MINDY1: variants seen among roughly 807,000 people sequenced by gnomAD.
MINDY1 encodes MINDY lysine 48 deubiquitinase 1.
In MINDY1, 50 loss-of-function variants were observed where a neutral mutation model predicts 53.6. The observed-to-expected ratio is 0.93, with a 90% confidence interval of 0.74 to 1.18. The LOEUF (loss-of-function observed/expected upper bound fraction) is 1.18. Ranked by LOEUF, MINDY1 falls within the 50% of genes most tolerant of loss-of-function variation. The probability of loss-of-function intolerance (pLI) is 0.00; values close to 1 mark genes in which losing one functional copy is unlikely to be tolerated. For synonymous variants in MINDY1, 231 were observed against 234.7 expected (o/e 0.98, Z 0.14); for missense variants, 484 against 578.6 (o/e 0.84, Z 1.68).
chr1:150,999,290 C>A lies in MINDY1; in HGVS notation c.981+79G>T. On this transcript the variant is annotated intron_variant, in intron 7 of 9. Transcript: ENST00000683666. The surrounding 1 kb of genome is among the most constrained non-coding windows in gnomAD (Gnocchi z 4.4). ...CACTTGCTACCACGGCTTAATCTAG[C>A]TGATCCCAGCTGGACCCACGAGAAA... is the stretch of plus-strand genomic sequence containing the variant. The A allele has an allele frequency of 1.3e-6, 2 of 1,579,444 alleles. No homozygotes were observed. Among genetic ancestry groups the A allele is most frequent in the Admixed American group, 1.7e-5 (1 of 57,244 alleles).
chr1:151,008,137 C>CA, upstream of MINDY1: 5 of 708,204 alleles, frequency 7.1e-6, no homozygotes, highest in Non-Finnish European at 8.8e-6. Context: ...TGCCAAGTGT[C>CA]ATTTAAAATG....
At position 151,002,879 on chromosome 1, in the gene MINDY1, C is replaced by A; in HGVS notation, c.-89-173G>T. 1 of 1,414,674 alleles carries A rather than the reference C, an allele frequency of 7.1e-7. No homozygotes were observed. Among genetic ancestry groups the A allele is most frequent in the Non-Finnish European group, 9.2e-7 (1 of 1,087,700 alleles). The allele number at this position is 1,414,674 out of a possible 1,614,324, so 87.6% of individuals were successfully genotyped here. On this transcript the variant is annotated intron_variant, in intron 1 of 9. Coordinates refer to ENST00000683666, the MANE Select transcript of MINDY1 (RefSeq NM_001376665.1). This position sits in a 1 kb window ranked among gnomAD's most constrained non-coding sequence, Gnocchi z 4.1. Reference sequence around the variant, plus strand: ...CTGAGCTCTTTCCACCTCTAACTTGCTGTGACCAGATGAGACCAAGAGGTC... The same window carrying A: ...CTGAGCTCTTTCCACCTCTAACTTGATGTGACCAGATGAGACCAAGAGGTC...
Position 150,999,239 on chromosome 1 carries a change from TGGTAAACCACAG to T in MINDY1, c.981+118_981+129del. On this transcript the variant is annotated intron_variant, in intron 7 of 9. Coordinates refer to ENST00000683666, the MANE Select transcript of MINDY1 (RefSeq NM_001376665.1). The surrounding 1 kb of genome is among the most constrained non-coding windows in gnomAD (Gnocchi z 4.4). ...AGGAGCGGGAAATGAACCTTTGTTG[TGGTAAACCACAG>T]GGATTTGAGGGGTCACTTGCTACCA... 7.5e-7 allele frequency: 1 copy of T among 1,335,442 alleles called. No homozygotes were observed. The highest frequency in any genetic ancestry group is 1.0e-6 in the Non-Finnish European group (1 of 958,488). The allele number at this position is 1,335,442 out of a possible 1,614,324, so 82.7% of individuals were successfully genotyped here. A position where few individuals can be genotyped will look rare whatever the true frequency, so the allele number is the denominator to read the frequency against.
At position 151,006,472 on chromosome 1, in the gene MINDY1, C is replaced by G; in HGVS notation, c.-250G>C. 1 of 1,107,026 alleles carries G rather than the reference C, an allele frequency of 9.0e-7. No individual in the cohort carries two copies. Among genetic ancestry groups the G allele is most frequent in the Non-Finnish European group, 1.1e-6 (1 of 902,032 alleles). The allele number at this position is 1,107,026 out of a possible 1,614,324, so 68.6% of individuals were successfully genotyped here. A position where few individuals can be genotyped will look rare whatever the true frequency, so the allele number is the denominator to read the frequency against. ...TTTACACAGCTTTATAAGCGACGGTCCAGGCTGGGTTGTGGCCACTTCCGG... is the reference window on the plus strand; with the variant it reads ...TTTACACAGCTTTATAAGCGACGGTGCAGGCTGGGTTGTGGCCACTTCCGG... On this transcript the variant is annotated 5_prime_UTR_variant, in exon 1 of 10. Transcript: ENST00000683666.
Position 151,002,406 on chromosome 1 carries a change from G to C in MINDY1, c.212C>G (p.Pro71Arg). Residue 71 changes from proline to arginine, a missense_variant, in exon 2 of 10, where the codon CCT (proline) becomes CGT (arginine). Coordinates refer to ENST00000683666, the MANE Select transcript of MINDY1 (RefSeq NM_001376665.1). This position sits in a 1 kb window ranked among gnomAD's most constrained non-coding sequence, Gnocchi z 4.1. ...QCGDNLESPL[P>R]EASSAPPGPT... ...CCCCGGTGGAGCTGAGCTAGCTTCA[G>C]GCAGAGGGGACTCAAGGTTGTCCCC... is the stretch of plus-strand genomic sequence containing the variant. 6.2e-7 allele frequency: 1 copy of C among 1,614,152 alleles called. No homozygotes were observed. Among genetic ancestry groups the C allele is most frequent in the Middle Eastern group, 1.6e-4 (1 of 6,062 alleles).
intron 7 of MINDY1, among the ~76,000 whole-genome samples, chr1:150,998,635 C>G (rs1346820340): frequency 6.6e-6 from 1 of 152,202 alleles, no homozygotes; most frequent in Non-Finnish European, 1.5e-5. Flanking sequence ...GGATTACAGG[C>G]ATGAGCCACC....
chr1:150,996,764 GA>G (rs1671877025), downstream of MINDY1: 2 of 152,438 alleles, frequency 1.3e-5, no homozygotes, highest in African/African-American at 4.8e-5. Context: ...GGCTGGTCTC[GA>G]ACTCCTAACC....
chr1:151,004,468 G>A (rs935004176), intron 1 of MINDY1, among the ~76,000 whole-genome samples: 4 of 151,714 alleles, frequency 2.6e-5, no homozygotes, highest in East Asian at 2.0e-4. Context: ...GGTGGCTCAC[G>A]CCTGTAATCC....
intron 7 of MINDY1, 32 bp from the exon 8 acceptor site, chr1:150,998,305 G>A (rs372408373): frequency 1.9e-6 from 3 of 1,579,148 alleles, no homozygotes; most frequent in East Asian, 2.3e-5. Context: ...TCATTGGGGG[G>A]ACAGTTGATA....
chr1:151,002,142 C>G lies in MINDY1; in HGVS notation c.453+23G>C, dbSNP rs1243134009. ...AGAGTACTCCCTGATATTTTTTGCACCCCTAACTGCATGTTCTCTTACCTT... is the reference window on the plus strand; with the variant it reads ...AGAGTACTCCCTGATATTTTTTGCAGCCCTAACTGCATGTTCTCTTACCTT... On this transcript the variant is annotated intron_variant, in intron 2 of 9. Transcript: ENST00000683666. The surrounding 1 kb of genome is among the most constrained non-coding windows in gnomAD (Gnocchi z 4.1). The G allele has an allele frequency of 6.4e-7, 1 of 1,570,694 alleles. No homozygotes were observed. Among genetic ancestry groups the G allele is most frequent in the East Asian group, 2.2e-5 (1 of 44,588 alleles).
rs1571717364 is a variant in MINDY1 at position 150,999,638 on chromosome 1, G to C, written c.839-127C>G. ...TCCCACCTTCTGACGTCCCTTTCTTGAAACCTGGCTGTATTCATTCACTTA... is the reference window on the plus strand; with the variant it reads ...TCCCACCTTCTGACGTCCCTTTCTTCAAACCTGGCTGTATTCATTCACTTA... On this transcript the variant is annotated intron_variant, in intron 6 of 9. Coordinates refer to ENST00000683666, the MANE Select transcript of MINDY1 (RefSeq NM_001376665.1). The surrounding 1 kb of genome is among the most constrained non-coding windows in gnomAD (Gnocchi z 4.4). 1.6e-6 allele frequency: 2 copies of C among 1,284,652 alleles called. No homozygotes were observed. The highest frequency in any genetic ancestry group is 4.7e-5 in the East Asian group (2 of 42,442). 79.6% of individuals were successfully genotyped at this position (1,284,652 alleles called of 1,614,324 possible).
At chr1:151,004,373 A>T in intron 1 of MINDY1, among the ~76,000 whole-genome samples, 1 of 152,168 alleles carries the variant, frequency 6.6e-6, no homozygotes, top group African/African-American at 2.4e-5. Context: ...TTTGGAAAAC[A>T]TCTCCCTTCA....
chr1:151,007,312 T>C (rs1673333041), upstream of MINDY1, among the ~76,000 whole-genome samples: 1 of 152,206 alleles, frequency 6.6e-6, no homozygotes, highest in African/African-American at 2.4e-5. Context: ...AAGACCAACC[T>C]GGCCAACATA....
chr1:151,001,632 C>T, intron 3 of MINDY1, 93 bp downstream of exon 3: 2 of 1,479,748 alleles, frequency 1.4e-6, no homozygotes. Context: ...ATCAGAACCC[C>T]CAAATGGAGA....
At chr1:151,000,413 C>T in intron 5 of MINDY1, 44 bp downstream of exon 5, 1 of 1,533,722 alleles carries the variant, frequency 6.5e-7, no homozygotes, top group South Asian at 1.3e-5. Context: ...TCTCTCATGT[C>T]AGCTTGAGCT....
intron 7 of MINDY1, among the ~76,000 whole-genome samples, chr1:150,998,902 A>G (rs1435323940): frequency 2.0e-5 from 3 of 152,152 alleles, no homozygotes; most frequent in South Asian, 2.1e-4. Flanking sequence ...CTCAAATCCT[A>G]GAGAGCTTTG....
rs1304911324 is a variant in MINDY1 at position 151,001,306 on chromosome 1, G to A, written c.520C>T (p.Leu174Phe). The A allele has an allele frequency of 6.2e-7, 1 of 1,614,044 alleles. No individual in the cohort carries two copies. Among genetic ancestry groups the A allele is most frequent in the Non-Finnish European group, 8.5e-7 (1 of 1,180,028 alleles). Reference sequence around the variant, plus strand: ...TTCTCCTGGGGCTTGATGGACAGGAGGCAGTTTCCTACAAGACAGGGCCCC... The same window carrying A: ...TTCTCCTGGGGCTTGATGGACAGGAAGCAGTTTCCTACAAGACAGGGCCCC... The part of the protein sequence containing the change: ...DELMAHLGNC[L>F]LSIKPQEKSE... Residue 174 changes from leucine (L) to phenylalanine (F), a missense_variant, in exon 4 of 10, where the codon CTC becomes TTC. Leu to Phe is a conservative substitution (Grantham distance 22). Transcript: ENST00000683666.
intron 1 of MINDY1, among the ~76,000 whole-genome samples, chr1:151,003,585 A>G (rs943653503): frequency 6.6e-6 from 1 of 152,158 alleles, no homozygotes; most frequent in Non-Finnish European, 1.5e-5. Flanking sequence ...AATTTCTTTT[A>G]ATTAAACTGA....
Position 151,006,881 on chromosome 1 carries a change from G to A in MINDY1, c.-659C>T. On this transcript the variant is annotated 5_prime_UTR_variant, in exon 1 of 10. Coordinates refer to ENST00000683666, the MANE Select transcript of MINDY1 (RefSeq NM_001376665.1). ...CTTCCCTCTGCCTGCCTCTAGAAGG[G>A]ACGGAGCGCTTGTGCCTCTCTGGTG... is the stretch of plus-strand genomic sequence containing the variant. The A allele has an allele frequency of 1.0e-6, 1 of 985,410 alleles. No individual in the cohort carries two copies. Among genetic ancestry groups the A allele is most frequent in the Non-Finnish European group, 1.2e-6 (1 of 829,976 alleles). 61.0% of individuals were successfully genotyped at this position (985,410 alleles called of 1,614,324 possible). A position where few individuals can be genotyped will look rare whatever the true frequency, so the allele number is the denominator to read the frequency against.
Sources: gnomAD v4.1 joint callset for allele counts (sites outside exome capture counted in the v4.1 genomes callset) on GRCh38, gnomAD v4.1.1 for gene constraint, Gnocchi (gnomAD v3.1) non-coding constraint, MANE v1.5 for transcripts, NCBI Gene and HGNC (gene_info 2026-07-23, HGNC 2026-07-21) for gene names.